Variants in MAPT observed in about 807,000 individuals in gnomAD.
The protein encoded by MAPT is microtubule associated protein tau.
Under a neutral mutation model 67.9 loss-of-function variants are expected in MAPT, and 34 were observed. The ratio of observed to expected loss-of-function variants is 0.50; its 90% confidence interval spans 0.38 to 0.67. The LOEUF is 0.67. Ranked by LOEUF, MAPT falls within the 30% of genes least tolerant of loss-of-function variation. The pLI, the probability that MAPT is intolerant of heterozygous loss-of-function variation, is 0.00. For synonymous variants in MAPT, 456 were observed against 464.5 expected, an observed-to-expected ratio of 0.98 and a Z score of 0.23; for missense variants, 881 against 1,115.2, an observed-to-expected ratio of 0.79 and a Z score of 2.99.
chr17:45,904,338 A>ATATATAT (rs1555674387), intron 1 of MAPT, among the ~76,000 whole-genome samples: 78 of 62,438 alleles, frequency 1.2e-3, no homozygotes, highest in African/African-American at 3.9e-3. Context: ...ATTATATATT[A>ATATATAT]TATATATATT....
chr17:46,018,254 G>T (rs1012741328), intron 11 of MAPT, among the ~76,000 whole-genome samples: 1 of 152,100 alleles, frequency 6.6e-6, no homozygotes, highest in Admixed American at 6.5e-5. Flanking sequence ...ATCTCAAGAA[G>T]AAGAGTTTAC....
chr17:45,935,211 C>A (rs1353361421), intron 1 of MAPT, among the ~76,000 whole-genome samples: 1 of 152,086 alleles, frequency 6.6e-6, no homozygotes, highest in Non-Finnish European at 1.5e-5. Context: ...TCTGGGCAGC[C>A]CCTACTGGGG....
In MAPT at chr17:46,027,863, C is replaced by T. The variant is rs1431204626; in HGVS notation, c.*3692C>T. On this transcript the variant is annotated 3_prime_UTR_variant, in exon 13 of 13. Coordinates refer to ENST00000262410, the MANE Select transcript of MAPT (RefSeq NM_001377265.1). ...GACCTTGGCATCCTTCCCTCTAAGC[C>T]GTTGGCACCTCTGTGCCACCTCTCA... 6.6e-6 allele frequency: 1 copy of T among 152,320 alleles called. No homozygotes were observed. Among genetic ancestry groups the T allele is most frequent in the African/African-American group, 2.4e-5 (1 of 41,452 alleles). The allele number at this position is 152,320 out of a possible 1,614,324, so 9.4% of individuals were successfully genotyped here.
At chr17:45,899,904 C>T (rs372044237) in intron 1 of MAPT, among the ~76,000 whole-genome samples, 5 of 152,110 alleles carry the variant, frequency 3.3e-5, no homozygotes, top group Non-Finnish European at 5.9e-5. Flanking sequence ...TGCCATATGA[C>T]GGGGCAGCTG....
At chr17:45,922,296 G>A (rs961703086) in intron 1 of MAPT, among the ~76,000 whole-genome samples, 4 of 152,184 alleles carry the variant, frequency 2.6e-5, no homozygotes, top group Non-Finnish European at 2.9e-5. Flanking sequence ...CTCTTTGAGG[G>A]TGGTTTTGGT....
chr17:45,900,740 C>T (rs2063559077), intron 1 of MAPT, among the ~76,000 whole-genome samples: 1 of 152,172 alleles, frequency 6.6e-6, no homozygotes, highest in Admixed American at 6.6e-5. Flanking sequence ...TCTGATCGGG[C>T]CTCCTGGGCA....
chr17:45,964,494 AC>A (rs765464977), intron 2 of MAPT, among the ~76,000 whole-genome samples: 40 of 151,678 alleles, frequency 2.6e-4, no homozygotes, highest in Admixed American at 2.6e-4. Flanking sequence ...AGCCTGGGCA[AC>A]ATAGTGAGAC....
chr17:45,908,674 G>A (rs954426717), intron 1 of MAPT, among the ~76,000 whole-genome samples: 9 of 152,176 alleles, frequency 5.9e-5, no homozygotes, highest in African/African-American at 2.2e-4. Flanking sequence ...TATGCATATC[G>A]AATTACTTAG....
At chr17:45,953,840 C>A (rs1366910427) in intron 1 of MAPT, among the ~76,000 whole-genome samples, 1 of 152,160 alleles carries the variant, frequency 6.6e-6, no homozygotes, top group African/African-American at 2.4e-5. Flanking sequence ...TGGCGCATTG[C>A]CCTGAGTCCT....
chr17:45,970,251 T>C (rs931866953), intron 2 of MAPT, among the ~76,000 whole-genome samples: 3 of 152,248 alleles, frequency 2.0e-5, no homozygotes, highest in African/African-American at 7.2e-5. Context: ...TACACATTCA[T>C]ACACCCACCT....
intron 1 of MAPT, among the ~76,000 whole-genome samples, chr17:45,934,626 C>T (rs746255045): frequency 1.3e-5 from 2 of 152,180 alleles, no homozygotes; most frequent in African/African-American, 4.8e-5. Context: ...CAGATGCAGG[C>T]GTGGACTTGC....
At position 45,983,318 on chromosome 17, in the gene MAPT, G is replaced by C; in HGVS notation, c.739G>C (p.Gly247Arg). Reference sequence around the variant, plus strand: ...CAGAGAGGCCACACGCCAACCTTCGGGGACAGGACCTGAGGACACAGAGGG... The same window carrying C: ...CAGAGAGGCCACACGCCAACCTTCGCGGACAGGACCTGAGGACACAGAGGG... The part of the protein sequence containing the change: ...GPREATRQPS[G>R]TGPEDTEGGR... The change falls in exon 5 of 13, where the codon GGG becomes CGG. Residue 247 changes from glycine (G) to arginine (R), a missense_variant. Physicochemically the swap from Gly to Arg is moderately radical, Grantham distance 125. This residue lies in a region of MAPT where 687 missense variants were observed against 766.1 expected (regional missense o/e 0.90). Transcript: ENST00000262410. 2.5e-6 allele frequency: 4 copies of C among 1,601,936 alleles called. No individual in the cohort carries two copies. Among genetic ancestry groups the C allele is most frequent in the Non-Finnish European group, 3.4e-6 (4 of 1,174,920 alleles).
intron 1 of MAPT, among the ~76,000 whole-genome samples, chr17:45,902,135 C>T (rs1452831573): frequency 1.3e-5 from 2 of 151,956 alleles, no homozygotes; most frequent in Non-Finnish European, 2.9e-5. Context: ...AGTGCAATGG[C>T]GCGATCTTGG....
intron 1 of MAPT, among the ~76,000 whole-genome samples, chr17:45,956,562 ATATATATATATATATATATATAT>A (rs2069686903): frequency 2.6e-3 from 1 of 388 alleles, no homozygotes. Context: ...ATATATATAT[ATATATATATATATATATATATAT>A]ATATATATAT....
At chr17:45,966,457 CG>C (rs2071091111) in intron 2 of MAPT, among the ~76,000 whole-genome samples, 1 of 151,962 alleles carries the variant, frequency 6.6e-6, no homozygotes, top group Non-Finnish European at 1.5e-5. Flanking sequence ...GGTGTGGTGG[CG>C]CATTCCTGTA....
In MAPT at chr17:45,901,846, C is replaced by T. The variant is rs556095992; in HGVS notation, c.-18+7160C>T. Reference sequence around the variant, plus strand: ...TTAATAATGCACTGTCTGGGTCCTCCGATTTCAGTTTGGATTTTGGGTTTA... The same window carrying T: ...TTAATAATGCACTGTCTGGGTCCTCTGATTTCAGTTTGGATTTTGGGTTTA... On this transcript the variant is annotated intron_variant, in intron 1 of 12. Transcript: ENST00000262410. 7.7e-4 allele frequency among the ~76,000 whole-genome samples: 117 copies of T among 151,394 alleles called. 1 individual carries two copies. The highest frequency in any genetic ancestry group is 2.6e-3 in the African/African-American group (106 of 41,226).
intron 4 of MAPT, 62 bp from the exon 5 acceptor site, chr17:45,982,804 C>A: frequency 1.1e-6 from 1 of 914,760 alleles, no homozygotes; most frequent in Non-Finnish European, 1.4e-6. Flanking sequence ...GATGATGCTC[C>A]CTCTCTTAAG....
At position 45,956,604 on chromosome 17, in the gene MAPT, T is replaced by TTA. The variant is rs1555695844; in HGVS notation, c.-17-5716_-17-5715insAT. ...TATATATATATATATATATATATTT[T>TTA]TTATTATTATACTTTAAGTTCTAGG... On this transcript the variant is annotated intron_variant, in intron 1 of 12. Coordinates refer to ENST00000262410, the MANE Select transcript of MAPT (RefSeq NM_001377265.1). Among the ~76,000 whole-genome samples, 98 of 116,898 alleles carry TTA rather than the reference T, an allele frequency of 8.4e-4. 1 individual carries two copies. The highest frequency in any genetic ancestry group is 7.1e-3 in the Admixed American group (80 of 11,198). 76.7% of individuals were successfully genotyped at this position (116,898 alleles called of 152,430 possible).
intron 1 of MAPT, among the ~76,000 whole-genome samples, chr17:45,941,717 T>TCCTTCCTTCCTTCCTG (rs2067993477): frequency 1.1e-4 from 10 of 88,426 alleles, no homozygotes; most frequent in South Asian, 4.4e-4. Context: ...CTTCCTTCCT[T>TCCTTCCTTCCTTCCTG]CCTTCCTTCC....
Sources: gnomAD v4.1 joint callset for allele counts (sites outside exome capture counted in the v4.1 genomes callset) on GRCh38, gnomAD v4.1.1 for gene constraint, gnomAD v4.1.1 regional missense constraint, MANE v1.5 for transcripts, NCBI Gene and HGNC (gene_info 2026-07-23, HGNC 2026-07-21) for gene names.